Variants in PRDM16 observed in about 807,000 individuals in gnomAD.
PRDM16 encodes the protein PR/SET domain 16.
PRDM16 carries 23 observed loss-of-function variants against 110.6 expected under a neutral mutation model. The ratio of observed to expected loss-of-function variants is 0.21; its 90% CI spans 0.15 to 0.29. PRDM16 has a LOEUF of 0.29. Among genes scored for constraint, PRDM16 ranks in the 10% least tolerant of loss-of-function variants. The pLI is 1.00. For synonymous variants in PRDM16, 799 were observed against 781.8 expected, an observed-to-expected ratio of 1.02 and a Z score of -0.37; for missense variants, 1,615 against 1,794.3, an observed-to-expected ratio of 0.90 and a Z score of 1.81.
chr1:3,117,560 G>A (rs972404030), intron 1 of PRDM16, among the ~76,000 whole-genome samples: 43 of 151,936 alleles, frequency 2.8e-4, no homozygotes, highest in African/African-American at 8.0e-4. Flanking sequence ...CCCCACCCCC[G>A]GTTTCCTTCT....
chr1:3,159,448 T>C (rs1001293760), intron 1 of PRDM16, among the ~76,000 whole-genome samples: 1 of 152,234 alleles, frequency 6.6e-6, no homozygotes, highest in Non-Finnish European at 1.5e-5. Context: ...CCTTCTGGTG[T>C]CCTCACAGGG....
chr1:3,198,932 C>T (rs981373856), intron 2 of PRDM16, among the ~76,000 whole-genome samples: 25 of 152,206 alleles, frequency 1.6e-4, no homozygotes, highest in African/African-American at 4.8e-4. Flanking sequence ...CGTAATTTCA[C>T]GAGCAGAGCT....
chr1:3,102,621 C>G (rs190642851), intron 1 of PRDM16, among the ~76,000 whole-genome samples: 2 of 152,298 alleles, frequency 1.3e-5, no homozygotes, highest in South Asian at 4.1e-4. Context: ...AGTTTGCCCT[C>G]GGAGACAGGC....
At chr1:3,399,846 G>T (rs1643438910) in intron 5 of PRDM16, among the ~76,000 whole-genome samples, 1 of 152,204 alleles carries the variant, frequency 6.6e-6, no homozygotes, top group Admixed American at 6.5e-5. Flanking sequence ...AATAAAAGCT[G>T]GCATTTCTAA....
intron 1 of PRDM16, among the ~76,000 whole-genome samples, chr1:3,134,227 A>G (rs1643391258): frequency 6.6e-6 from 1 of 152,144 alleles, no homozygotes; most frequent in Non-Finnish European, 1.5e-5. Flanking sequence ...GCTCCCACAG[A>G]GAGGGGATTG....
intron 12 of PRDM16, among the ~76,000 whole-genome samples, chr1:3,420,871 C>G (rs887190750): frequency 1.3e-5 from 2 of 152,152 alleles, no homozygotes; most frequent in Non-Finnish European, 1.5e-5. Flanking sequence ...CCGGGGGTCT[C>G]TCTGGGAGGC....
intron 8 of PRDM16, among the ~76,000 whole-genome samples, chr1:3,409,805 G>A (rs909063634): frequency 9.1e-6 from 1 of 109,734 alleles, no homozygotes; most frequent in African/African-American, 4.8e-5. Flanking sequence ...TGTGTGTGGT[G>A]TATGTGTGCA....
chr1:3,244,886 C>T lies in PRDM16; in HGVS notation c.438+749C>T, dbSNP rs936421851. On this transcript the variant is annotated intron_variant, in intron 3 of 16. Transcript: ENST00000270722. This position sits in a 1 kb window ranked among gnomAD's most constrained non-coding sequence, Gnocchi z 4.1. The stretch of plus-strand genomic sequence containing the variant: ...CGACGGGATATGCATTGCCTGCACG[C>T]ACACACAGACGTCCACAGACACAGC... Among the ~76,000 whole-genome samples the T allele has an allele frequency of 9.9e-5, 15 of 152,200 alleles. No homozygotes were observed. The highest frequency in any genetic ancestry group is 3.6e-4 in the African/African-American group (15 of 41,452).
Position 3,362,043 on chromosome 1 carries a change from G to A in PRDM16, c.439-23109G>A, listed in dbSNP as rs149255198. Among the ~76,000 whole-genome samples, 69 of 152,318 alleles carry A rather than the reference G, an allele frequency of 4.5e-4. 1 individual carries two copies. The East Asian group carries it at 0.011, about 24-fold the overall frequency. ...GGTGAGAAGTGACTGTGGCCCGGGA[G>A]GGGTGTCTGCTGGTAGCCAGCTGGT... On this transcript the variant is annotated intron_variant, in intron 3 of 16. Transcript: ENST00000270722.
chr1:3,378,536 C>T (rs1172061953), intron 3 of PRDM16, among the ~76,000 whole-genome samples: 1 of 152,138 alleles, frequency 6.6e-6, no homozygotes, highest in African/African-American at 2.4e-5. Flanking sequence ...GGAGCTGGCC[C>T]TGTCTCCAGG....
In PRDM16 at chr1:3,250,560, C is replaced by T. The variant is rs139446818; in HGVS notation, c.438+6423C>T. 1.3e-3 allele frequency among the ~76,000 whole-genome samples: 193 copies of T among 152,152 alleles called. 2 individuals are homozygous for T. The highest frequency in any genetic ancestry group is 4.4e-3 in the African/African-American group (184 of 41,522). The stretch of plus-strand genomic sequence containing the variant: ...TTAAATCAGCTGAAACCGTCAGATT[C>T]GGCTGGGAGAGGTGCAGCTAATTAC... On this transcript the variant is annotated intron_variant, in intron 3 of 16. Coordinates refer to ENST00000270722, the MANE Select transcript of PRDM16 (RefSeq NM_022114.4).
chr1:3,231,738 C>CT (rs1284113451), intron 2 of PRDM16, among the ~76,000 whole-genome samples: 1 of 152,244 alleles, frequency 6.6e-6, no homozygotes, highest in Non-Finnish European at 1.5e-5. Flanking sequence ...AGTCCCTGGA[C>CT]TTGGTATGGC....
intron 1 of PRDM16, among the ~76,000 whole-genome samples, chr1:3,178,425 C>T (rs71503052): frequency 0.052 from 7,884 of 152,250 alleles, 227 homozygotes; most frequent in Admixed American, 0.072. Context: ...TTAACAGCCA[C>T]GTCTTCCTGG....
In PRDM16 at chr1:3,069,500, C is replaced by G. The variant is rs1641690864; in HGVS notation, c.37+204C>G. Among the ~76,000 whole-genome samples the G allele has an allele frequency of 1.4e-5, 2 of 146,536 alleles. No homozygotes were observed. Among genetic ancestry groups the G allele is most frequent in the South Asian group, 4.2e-4 (2 of 4,708 alleles). Reference sequence around the variant, plus strand: ...GCGCGGAGGCTCGGGGCGCCCGGGCCGCGCGCTCCCCGAAGGCGCCGGCCC... The same window carrying G: ...GCGCGGAGGCTCGGGGCGCCCGGGCGGCGCGCTCCCCGAAGGCGCCGGCCC... On this transcript the variant is annotated intron_variant, in intron 1 of 16. Transcript: ENST00000270722. This position sits in a 1 kb window ranked among gnomAD's most constrained non-coding sequence, Gnocchi z 6.1.
intron 5 of PRDM16, among the ~76,000 whole-genome samples, chr1:3,400,656 G>T (rs983768512): frequency 6.6e-6 from 1 of 152,310 alleles, no homozygotes; most frequent in Admixed American, 6.5e-5. Flanking sequence ...CAGTCCTGTG[G>T]GAAGTGGACT....
intron 3 of PRDM16, among the ~76,000 whole-genome samples, chr1:3,258,851 T>C (rs927056574): frequency 1.3e-5 from 2 of 152,242 alleles, no homozygotes; most frequent in African/African-American, 4.8e-5. Context: ...GCCAGGGCTT[T>C]CTTCTTGCCT....
intron 5 of PRDM16, among the ~76,000 whole-genome samples, chr1:3,399,141 C>T (rs1417936599): frequency 3.9e-5 from 6 of 152,220 alleles, no homozygotes; most frequent in African/African-American, 1.4e-4. Context: ...GAACTTTTTG[C>T]TCTTGGGAGA....
intron 2 of PRDM16, among the ~76,000 whole-genome samples, chr1:3,212,002 G>C (rs1011293230): frequency 6.6e-6 from 1 of 152,230 alleles, no homozygotes; most frequent in African/African-American, 2.4e-5. Context: ...GATAATGGGC[G>C]AGTTCTCCGG....
rs1309344273 is a variant in PRDM16, at chr1:3,348,783, C to G, written c.439-36369C>G. ...CCGCAGTGAGCCTGGGGTGGGGGCC[C>G]TGGGGCTCACCCAACTCCACCCACT... On this transcript the variant is annotated intron_variant, in intron 3 of 16. Coordinates refer to ENST00000270722, the MANE Select transcript of PRDM16 (RefSeq NM_022114.4). 3.3e-5 allele frequency among the ~76,000 whole-genome samples: 5 copies of G among 152,122 alleles called. No individual in the cohort carries two copies. The East Asian group carries it at 9.7e-4, about 29-fold the overall frequency.
Sources: allele counts gnomAD v4.1 joint callset (sites outside exome capture counted in the v4.1 genomes callset), GRCh38; gene constraint gnomAD v4.1.1; non-coding constraint Gnocchi (gnomAD v3.1); transcripts MANE v1.5; gene names NCBI Gene and HGNC (gene_info 2026-07-23, HGNC 2026-07-21).